The following OLFM3 variants were observed in gnomAD, a reference collection of about 807,000 sequenced individuals.
OLFM3 encodes noelin-3.
In OLFM3, 20 loss-of-function variants were observed where a neutral mutation model predicts 48.6. The ratio of observed to expected loss-of-function variants is 0.41; its 90% CI spans 0.29 to 0.60. OLFM3 has a LOEUF of 0.60. Ranked by LOEUF, OLFM3 falls within the 20% of genes least tolerant of loss-of-function variation. The pLI is 0.28. For missense variants in OLFM3, 437 were observed against 544.3 expected, an observed-to-expected ratio of 0.80 and a Z score of 1.96; for synonymous variants, 222 against 198.1, an observed-to-expected ratio of 1.12 and a Z score of -1.01.
intron 1 of OLFM3, among the ~76,000 whole-genome samples, chr1:101,953,277 C>T: frequency 6.6e-6 from 1 of 152,066 alleles, no homozygotes; most frequent in Admixed American, 6.6e-5. Flanking sequence ...AGATGGCAAA[C>T]TTTGGCTTGT....
At chr1:101,877,591 T>C (rs531618665) in intron 1 of OLFM3, among the ~76,000 whole-genome samples, 11 of 152,036 alleles carry the variant, frequency 7.2e-5, no homozygotes, top group Admixed American at 5.3e-4. Context: ...AATTTTGGAA[T>C]AGGAGAAGAA....
intron 1 of OLFM3, among the ~76,000 whole-genome samples, chr1:101,932,373 T>C (rs917033834): frequency 1.8e-4 from 27 of 152,256 alleles, no homozygotes; most frequent in African/African-American, 5.8e-4. Flanking sequence ...CTCCTACCAA[T>C]AGACCACGAC....
At chr1:101,973,758 A>G (rs907156918) in intron 1 of OLFM3, among the ~76,000 whole-genome samples, 16 of 152,196 alleles carry the variant, frequency 1.1e-4, no homozygotes, top group African/African-American at 3.9e-4. Context: ...TGGTAGTTTT[A>G]ATAGGCCTAT....
chr1:101,804,458 A>G lies in OLFM3; in HGVS notation c.1157T>C (p.Val386Ala). The change falls in exon 6 of 6, where the codon GTC becomes GCC. Residue 386 changes from valine to alanine, a missense_variant. Val to Ala is a moderately conservative substitution (Grantham distance 64, BLOSUM62 0). This residue lies in a region of OLFM3 where 108 missense variants were observed against 135.8 expected (regional missense o/e 0.80). Transcript: ENST00000370103. The surrounding 1 kb of genome is among the most constrained non-coding windows in gnomAD (Gnocchi z 4.5). ...ESFMICGTLY[V>A]TNSHLTGAKV... ...GGCTCCAGTTAAGTGGGAGTTGGTG[A>G]CATACAGTGTCCCACAGATCATGAA... is the stretch of plus-strand genomic sequence containing the variant. The G allele has an allele frequency of 6.2e-7, 1 of 1,612,602 alleles. No homozygotes were observed. Among genetic ancestry groups the G allele is most frequent in the Non-Finnish European group, 8.5e-7 (1 of 1,179,054 alleles).
intron 4 of OLFM3, among the ~76,000 whole-genome samples, chr1:101,816,968 G>A (rs765076017): frequency 5.9e-5 from 9 of 152,030 alleles, no homozygotes; most frequent in Non-Finnish European, 8.8e-5. Context: ...CAAAATTAAA[G>A]TTACAGGAAT....
intron 1 of OLFM3, among the ~76,000 whole-genome samples, chr1:101,875,762 G>T (rs964964239): frequency 4.5e-5 from 5 of 111,198 alleles, no homozygotes; most frequent in African/African-American, 1.6e-4. Context: ...ATGGAATTGA[G>T]TTGGAGAATG....
chr1:101,947,026 C>A (rs1659984110), intron 1 of OLFM3, among the ~76,000 whole-genome samples: 1 of 152,126 alleles, frequency 6.6e-6, no homozygotes, highest in Admixed American at 6.5e-5. Context: ...GAAAATCTGG[C>A]TGATTGTCTA....
intron 1 of OLFM3, among the ~76,000 whole-genome samples, chr1:101,905,600 T>C (rs1194015896): frequency 6.6e-6 from 1 of 152,160 alleles, no homozygotes; most frequent in Non-Finnish European, 1.5e-5. Flanking sequence ...CTCATCAAGC[T>C]AACAGCCAGT....
chr1:101,847,055 G>A (rs1656031819), intron 1 of OLFM3: 3 of 1,517,004 alleles, frequency 2.0e-6, no homozygotes, highest in Non-Finnish European at 2.7e-6. Context: ...ACTGCAGCGC[G>A]CCACATCTAC....
intron 4 of OLFM3, among the ~76,000 whole-genome samples, chr1:101,811,678 C>A (rs1654058821): frequency 6.6e-6 from 1 of 152,116 alleles, no homozygotes; most frequent in African/African-American, 2.4e-5. Flanking sequence ...ATTAAAAAGT[C>A]AGGAAACAAC....
At chr1:101,883,257 A>T (rs371862421) in intron 1 of OLFM3, among the ~76,000 whole-genome samples, 2 of 150,776 alleles carry the variant, frequency 1.3e-5, no homozygotes, top group African/African-American at 4.9e-5. Flanking sequence ...TCAAACCTGA[A>T]TATTTGTCTG....
chr1:101,961,046 A>T (rs1660452346), intron 1 of OLFM3, among the ~76,000 whole-genome samples: 1 of 152,174 alleles, frequency 6.6e-6, no homozygotes, highest in Non-Finnish European at 1.5e-5. Context: ...TGGATAACAT[A>T]TGTAAATGTT....
chr1:101,954,332 T>A (rs1660227262), intron 1 of OLFM3, among the ~76,000 whole-genome samples: 1 of 152,102 alleles, frequency 6.6e-6, no homozygotes, highest in Non-Finnish European at 1.5e-5. Flanking sequence ...TAGGAATGTA[T>A]AATTTCTTCT....
intron 1 of OLFM3, among the ~76,000 whole-genome samples, chr1:101,855,292 G>A (rs535157020): frequency 1.5e-4 from 23 of 152,080 alleles, no homozygotes; most frequent in Admixed American, 2.6e-4. Flanking sequence ...TATTGCTATC[G>A]TAACCAGTTT....
intron 1 of OLFM3, among the ~76,000 whole-genome samples, chr1:101,844,661 C>T (rs967916796): frequency 1.3e-5 from 2 of 152,150 alleles, no homozygotes; most frequent in African/African-American, 4.8e-5. Context: ...TTGACTGAGA[C>T]AAGCAGTTGA....
At position 101,846,908 on chromosome 1, in the gene OLFM3, C is replaced by T. The variant is rs150350917; in HGVS notation, c.70-9883G>A. The T allele has an allele frequency of 3.2e-5, 52 of 1,612,772 alleles. No homozygotes were observed. The East Asian group carries it at 1.1e-3, about 35-fold the overall frequency. ...CCACCAAGGATGGGAGAGTTTGGGACATCCAGTTTGAGATCATTGCCATGG... is the reference window on the plus strand; with the variant it reads ...CCACCAAGGATGGGAGAGTTTGGGATATCCAGTTTGAGATCATTGCCATGG... On this transcript the variant is annotated intron_variant, in intron 1 of 5. Transcript: ENST00000370103.
At chr1:101,836,593 G>GCTT (rs1553171825) in intron 2 of OLFM3, among the ~76,000 whole-genome samples, 1 of 117,094 alleles carries the variant, frequency 8.5e-6, no homozygotes, top group Admixed American at 8.4e-5. Context: ...AGAATAAGAT[G>GCTT]CTTTTTTTTT....
chr1:101,807,716 C>A (rs944710704), intron 4 of OLFM3, among the ~76,000 whole-genome samples: 1 of 151,728 alleles, frequency 6.6e-6, no homozygotes, highest in Admixed American at 6.6e-5. Flanking sequence ...ATATATTTTT[C>A]CCTTTTTGTA....
intron 1 of OLFM3, among the ~76,000 whole-genome samples, chr1:101,905,195 G>C (rs918574653): frequency 2.0e-5 from 3 of 152,058 alleles, no homozygotes; most frequent in Non-Finnish European, 2.9e-5. Context: ...TCAATACCAT[G>C]CCTCTTTCCA....
Sources: gnomAD v4.1 joint callset for allele counts (sites outside exome capture counted in the v4.1 genomes callset) on GRCh38, gnomAD v4.1.1 for gene constraint, gnomAD v4.1.1 regional missense constraint, Gnocchi (gnomAD v3.1) non-coding constraint, MANE v1.5 for transcripts, NCBI Gene and HGNC (gene_info 2026-07-23, HGNC 2026-07-21) for gene names.